Variants in KCNH8 observed in about 807,000 individuals in gnomAD.
KCNH8 encodes the protein potassium voltage-gated channel subfamily H member 8.
Under a neutral mutation model 103.6 loss-of-function variants are expected in KCNH8, and 70 were observed. The observed-to-expected ratio is 0.68, with a 90% CI of 0.56 to 0.82. KCNH8 has a LOEUF of 0.82. Among genes scored for constraint, KCNH8 ranks in the 40% least tolerant of loss-of-function variants. KCNH8 has a pLI of 0.00. For synonymous variants in KCNH8, 498 were observed against 489.4 expected, an observed-to-expected ratio of 1.02 and a Z score of -0.23; for missense variants, 1,217 against 1,329.9, an observed-to-expected ratio of 0.92 and a Z score of 1.32.
chr3:19,206,861 A>G (rs2063722014), intron 1 of KCNH8, among the ~76,000 whole-genome samples: 1 of 152,082 alleles, frequency 6.6e-6, no homozygotes, highest in African/African-American at 2.4e-5. Flanking sequence ...AGCCTGCCAG[A>G]TATGGCAGAT....
chr3:19,242,192 C>G (rs1459615293), intron 1 of KCNH8, among the ~76,000 whole-genome samples: 1 of 152,052 alleles, frequency 6.6e-6, no homozygotes, highest in Non-Finnish European at 1.5e-5. Context: ...GAATTTAAAA[C>G]AGGAGGGTGA....
intron 1 of KCNH8, among the ~76,000 whole-genome samples, chr3:19,210,675 A>G (rs67008105): frequency 0.068 from 10,254 of 151,748 alleles, 546 homozygotes; most frequent in East Asian, 0.19. Flanking sequence ...GTTAAGTTTC[A>G]TAAACCTATC....
At chr3:19,382,782 C>T (rs949603324) in intron 5 of KCNH8, among the ~76,000 whole-genome samples, 1 of 152,022 alleles carries the variant, frequency 6.6e-6, no homozygotes, top group African/African-American at 2.4e-5. Context: ...ACAAAAACAC[C>T]TATCAGTCAG....
At chr3:19,323,447 T>G (rs2065378775) in intron 3 of KCNH8, among the ~76,000 whole-genome samples, 1 of 151,786 alleles carries the variant, frequency 6.6e-6, no homozygotes. Flanking sequence ...AGACTGTGTC[T>G]CAAAAAAAAA....
intron 1 of KCNH8, among the ~76,000 whole-genome samples, chr3:19,225,089 C>G (rs1193550556): frequency 6.6e-6 from 1 of 151,926 alleles, no homozygotes; most frequent in African/African-American, 2.4e-5. Flanking sequence ...AGGCTGTAGT[C>G]AAAACATGGA....
chr3:19,392,549 A>C (rs1318112474), intron 6 of KCNH8, among the ~76,000 whole-genome samples: 2 of 152,014 alleles, frequency 1.3e-5, no homozygotes, highest in South Asian at 4.1e-4. Flanking sequence ...GGAATAACTT[A>C]TGAGTTATGC....
intron 15 of KCNH8, among the ~76,000 whole-genome samples, chr3:19,526,562 G>A (rs1173162836): frequency 6.6e-6 from 1 of 151,916 alleles, no homozygotes; most frequent in Non-Finnish European, 1.5e-5. Flanking sequence ...CAGTAAATCT[G>A]TGTTTACACC....
chr3:19,290,490 A>G (rs926242024), intron 3 of KCNH8, among the ~76,000 whole-genome samples: 16 of 152,214 alleles, frequency 1.1e-4, no homozygotes, highest in African/African-American at 3.6e-4. Flanking sequence ...CCTTTTCTGC[A>G]TCTATTGAGA....
chr3:19,259,927 C>G (rs1331628509), intron 2 of KCNH8, among the ~76,000 whole-genome samples: 1 of 151,620 alleles, frequency 6.6e-6, no homozygotes, highest in East Asian at 1.9e-4. Context: ...TCAAACTGAC[C>G]TAAGCTGTTG....
chr3:19,169,344 C>T (rs1243339575), intron 1 of KCNH8, among the ~76,000 whole-genome samples: 4 of 150,900 alleles, frequency 2.7e-5, no homozygotes, highest in East Asian at 1.9e-4. Flanking sequence ...CTGCAAGCTC[C>T]GCCTCCCGGG....
intron 7 of KCNH8, among the ~76,000 whole-genome samples, chr3:19,407,102 A>G (rs962685142): frequency 2.5e-4 from 38 of 152,256 alleles, no homozygotes; most frequent in African/African-American, 8.2e-4. Flanking sequence ...GACCTGATAT[A>G]TGTCTTTTTA....
chr3:19,195,910 C>G (rs111525035), intron 1 of KCNH8, among the ~76,000 whole-genome samples: 1,767 of 152,056 alleles, frequency 0.012, 35 homozygotes, highest in African/African-American at 0.039. Flanking sequence ...TTTCCTGTGT[C>G]CTGGTCTTTT....
chr3:19,179,046 A>G (rs1011348873), intron 1 of KCNH8, among the ~76,000 whole-genome samples: 3 of 152,020 alleles, frequency 2.0e-5, no homozygotes, highest in African/African-American at 7.2e-5. Flanking sequence ...TATTGTTGAG[A>G]AAGGATATAT....
intron 11 of KCNH8, among the ~76,000 whole-genome samples, chr3:19,469,142 T>C (rs1417647095): frequency 1.3e-5 from 2 of 152,178 alleles, no homozygotes; most frequent in East Asian, 3.8e-4. Context: ...CAGAACATAA[T>C]TAATTCTTCA....
intron 3 of KCNH8, among the ~76,000 whole-genome samples, chr3:19,339,626 T>TA (rs753758671): frequency 4.6e-5 from 7 of 152,158 alleles, no homozygotes; most frequent in Non-Finnish European, 1.0e-4. Flanking sequence ...CTGAGTGTTT[T>TA]AAAATCTACT....
At chr3:19,468,724 C>T (rs968854299) in intron 11 of KCNH8, among the ~76,000 whole-genome samples, 4 of 152,232 alleles carry the variant, frequency 2.6e-5, no homozygotes, top group African/African-American at 4.8e-5. Context: ...TATTGAGTTA[C>T]GTCTACTTGA....
chr3:19,397,221 A>G (rs952481341), intron 7 of KCNH8, among the ~76,000 whole-genome samples: 5 of 152,088 alleles, frequency 3.3e-5, no homozygotes, highest in African/African-American at 1.2e-4. Context: ...AATGAGTAGC[A>G]GGTTGTAAGC....
At chr3:19,267,420 C>T (rs941743039) in intron 2 of KCNH8, among the ~76,000 whole-genome samples, 1 of 152,054 alleles carries the variant, frequency 6.6e-6, no homozygotes, top group Non-Finnish European at 1.5e-5. Context: ...TCAATGTTGG[C>T]CTTTAGCAAC....
chr3:19,527,087 T>C (rs558956348), intron 15 of KCNH8, among the ~76,000 whole-genome samples: 54 of 152,084 alleles, frequency 3.6e-4, no homozygotes, highest in African/African-American at 1.3e-3. Flanking sequence ...TTTTAATCCA[T>C]CTGAATGCAG....
Sources: allele counts gnomAD v4.1 joint callset (sites outside exome capture counted in the v4.1 genomes callset), GRCh38; gene constraint gnomAD v4.1.1; transcripts MANE v1.5; gene names NCBI Gene and HGNC (gene_info 2026-07-23, HGNC 2026-07-21).